Variants in ESRRG observed in about 807,000 individuals in gnomAD.
The protein encoded by ESRRG is estrogen related receptor gamma, also known as estrogen-related receptor gamma.
In ESRRG, 13 loss-of-function variants were observed where a neutral mutation model predicts 44.0. That is an observed-to-expected ratio of 0.30 (90% CI 0.19 to 0.47). The LOEUF (loss-of-function observed/expected upper bound fraction) is 0.47. Ranked by LOEUF, ESRRG falls within the 20% of genes least tolerant of loss-of-function variation. The pLI is 1.00. For synonymous variants in ESRRG, 215 were observed against 214.6 expected (o/e 1.00, Z -0.02); for missense variants, 395 against 580.6 (o/e 0.68, Z 3.29).
At chr1:216,758,714 C>T (rs1207145417) in intron 2 of ESRRG, among the ~76,000 whole-genome samples, 1 of 151,906 alleles carries the variant, frequency 6.6e-6, no homozygotes, top group African/African-American at 2.4e-5. Flanking sequence ...TGATAAAAGG[C>T]TAAACTGAGA....
At chr1:216,939,370 A>AAAAAAAAAAAT (rs2064814392) in intron 2 of ESRRG, among the ~76,000 whole-genome samples, 1 of 133,964 alleles carries the variant, frequency 7.5e-6, no homozygotes, top group East Asian at 2.1e-4. Context: ...AAAAAAAAAA[A>AAAAAAAAAAAT]CACTTTAAAG....
intron 3 of ESRRG, among the ~76,000 whole-genome samples, chr1:216,627,821 T>A (rs529789099): frequency 1.3e-5 from 2 of 152,266 alleles, no homozygotes; most frequent in East Asian, 1.9e-4. Context: ...GAAGTTTATT[T>A]TTTTTTTCTT....
intron 1 of ESRRG, among the ~76,000 whole-genome samples, chr1:217,102,705 T>G (rs1166351): frequency 0.46 from 69,445 of 152,122 alleles, 17,367 homozygotes; most frequent in East Asian, 0.57. Context: ...CCAAGCAATG[T>G]TTTTCTAATC....
chr1:217,073,254 C>T (rs1354458192), intron 1 of ESRRG, among the ~76,000 whole-genome samples: 1 of 137,132 alleles, frequency 7.3e-6, no homozygotes, highest in African/African-American at 2.7e-5. Flanking sequence ...GTATTGCTTT[C>T]TACATGCAAC....
intron 2 of ESRRG, among the ~76,000 whole-genome samples, chr1:216,674,414 A>G (rs1219308775): frequency 6.6e-6 from 1 of 152,230 alleles, no homozygotes. Context: ...TTGTAAGAAA[A>G]TATCAATAAA....
At chr1:216,736,520 A>G (rs1211390107) in intron 2 of ESRRG, among the ~76,000 whole-genome samples, 1 of 152,076 alleles carries the variant, frequency 6.6e-6, no homozygotes, top group South Asian at 2.1e-4. Context: ...TATCCCCTCA[A>G]GTTGACGTCA....
intron 2 of ESRRG, among the ~76,000 whole-genome samples, chr1:216,874,012 T>C (rs1323992696): frequency 3.2e-5 from 1 of 31,226 alleles, no homozygotes; most frequent in South Asian, 1.5e-3. Context: ...AGGGAGTGGG[T>C]TGGGAGGGAG....
intron 1 of ESRRG, among the ~76,000 whole-genome samples, chr1:216,688,952 T>A (rs563971458): frequency 1.3e-5 from 2 of 152,094 alleles, no homozygotes; most frequent in Non-Finnish European, 2.9e-5. Context: ...ATTATATATA[T>A]CTTAAAATAC....
chr1:216,992,974 C>T (rs538160375), intron 1 of ESRRG, among the ~76,000 whole-genome samples: 1 of 152,294 alleles, frequency 6.6e-6, no homozygotes, highest in African/African-American at 2.4e-5. Context: ...CCTCTCACTC[C>T]TCACCTTGTT....
chr1:216,572,115 A>AT (rs2060916155), intron 3 of ESRRG, among the ~76,000 whole-genome samples: 1 of 152,128 alleles, frequency 6.6e-6, no homozygotes, highest in African/African-American at 2.4e-5. Flanking sequence ...TCTTCTATGC[A>AT]TTGTCTAGTA....
chr1:216,568,787 T>TCA lies in ESRRG; in HGVS notation c.590-691_590-690dup. On this transcript the variant is annotated intron_variant, in intron 3 of 6. Transcript: ENST00000408911. Reference sequence around the variant, plus strand: ...GAGCTTCCTAGCCGGGCGCAGTGGCTCACGCCTGTATAATACCAGCACTTT... The same window carrying TCA: ...GAGCTTCCTAGCCGGGCGCAGTGGCTCACACGCCTGTATAATACCAGCACTTT... Among the ~76,000 whole-genome samples, 3 of 152,246 alleles carry TCA rather than the reference T, an allele frequency of 2.0e-5. 1 individual carries two copies. The South Asian group carries it at 6.2e-4, about 32-fold the overall frequency.
At chr1:217,068,816 C>T (rs114512207) in intron 1 of ESRRG, among the ~76,000 whole-genome samples, 3,018 of 152,246 alleles carry the variant, frequency 0.02, 48 homozygotes, top group Non-Finnish European at 0.029. Context: ...TCACTTTTTC[C>T]GCCTTCCAAT....
intron 1 of ESRRG, among the ~76,000 whole-genome samples, chr1:216,941,477 G>A (rs1189433018): frequency 1.3e-5 from 2 of 152,074 alleles, no homozygotes; most frequent in African/African-American, 4.8e-5. Flanking sequence ...TTGAAATAAC[G>A]TTAATGTTAA....
chr1:216,714,774 AGAT>A (rs2084448069), intron 1 of ESRRG: 1 of 159,628 alleles, frequency 6.3e-6, no homozygotes, highest in Admixed American at 6.5e-5. Context: ...TAATGTAAAT[AGAT>A]GATCTGTTCT....
At chr1:216,660,206 C>T (rs974704965) in intron 2 of ESRRG, among the ~76,000 whole-genome samples, 1 of 152,138 alleles carries the variant, frequency 6.6e-6, no homozygotes, top group African/African-American at 2.4e-5. Flanking sequence ...CCTATGATTG[C>T]TCCACCCTCT....
intron 2 of ESRRG, among the ~76,000 whole-genome samples, chr1:216,801,940 T>C (rs1218188007): frequency 2.0e-5 from 3 of 152,160 alleles, no homozygotes; most frequent in Non-Finnish European, 4.4e-5. Flanking sequence ...ACTCTGCAGA[T>C]GGAAAGCAGA....
chr1:216,624,158 T>C (rs2062768242), intron 3 of ESRRG, among the ~76,000 whole-genome samples: 1 of 152,040 alleles, frequency 6.6e-6, no homozygotes, highest in South Asian at 2.1e-4. Flanking sequence ...CCCTAAGCCA[T>C]AGGCAGGAGA....
At chr1:216,557,217 A>G (rs1399700855) in intron 5 of ESRRG, among the ~76,000 whole-genome samples, 2 of 152,170 alleles carry the variant, frequency 1.3e-5, no homozygotes, top group Admixed American at 6.5e-5. Flanking sequence ...TTTATAGGAC[A>G]TACATTTCCT....
intron 3 of ESRRG, among the ~76,000 whole-genome samples, chr1:216,637,871 CAT>C (rs2065612907): frequency 6.6e-6 from 1 of 151,726 alleles, no homozygotes; most frequent in Non-Finnish European, 1.5e-5. Context: ...ACAATTCTGT[CAT>C]GGTCATATGA....
Sources: gnomAD v4.1 joint callset for allele counts (sites outside exome capture counted in the v4.1 genomes callset) on GRCh38, gnomAD v4.1.1 for gene constraint, MANE v1.5 for transcripts, NCBI Gene and HGNC (gene_info 2026-07-23, HGNC 2026-07-21) for gene names.